C1GALT1: variants seen among roughly 807,000 people sequenced by gnomAD.
C1GALT1 encodes glycoprotein-N-acetylgalactosamine 3-beta-galactosyltransferase 1.
C1GALT1 carries 11 observed loss-of-function variants against 31.0 expected under a neutral mutation model. That is an observed-to-expected ratio of 0.36 (90% CI 0.22 to 0.59). C1GALT1 has a LOEUF of 0.59. Ranked by LOEUF, C1GALT1 falls within the 20% of genes least tolerant of loss-of-function variation. The pLI is 0.79. For synonymous variants in C1GALT1, 175 were observed against 143.6 expected, an observed-to-expected ratio of 1.22 and a Z score of -1.56; for missense variants, 424 against 425.2, an observed-to-expected ratio of 1.00 and a Z score of 0.03.
chr7:7,183,752 T>G (rs1780694793), intron 1 of C1GALT1, among the ~76,000 whole-genome samples: 1 of 151,666 alleles, frequency 6.6e-6, no homozygotes. Context: ...TTCTCAAGAT[T>G]TCTAACCTAG....
In C1GALT1 at chr7:7,246,667, T is replaced by TAGGGGCAGGGGC. The variant is rs926575009; in HGVS notation, c.*2953_*2964dup. The stretch of plus-strand genomic sequence containing the variant: ...ATCAGATCTACTAAATCAGATACTC[T>TAGGGGCAGGGGC]AGGGGCAGGGGCAGGGGCAGGGGCT... On this transcript the variant is annotated 3_prime_UTR_variant, in exon 4 of 4. Transcript: ENST00000436587. 3 of 152,618 alleles carry TAGGGGCAGGGGC rather than the reference T, an allele frequency of 2.0e-5. No individual in the cohort carries two copies. Among genetic ancestry groups the TAGGGGCAGGGGC allele is most frequent in the South Asian group, 2.1e-4 (1 of 4,826 alleles). 9.5% of individuals were successfully genotyped at this position (152,618 alleles called of 1,614,324 possible). A position where few individuals can be genotyped will look rare whatever the true frequency, so the allele number is the denominator to read the frequency against.
chr7:7,176,540 C>T (rs1476229941), intron 2 of C1GALT1, among the ~76,000 whole-genome samples: 1 of 152,186 alleles, frequency 6.6e-6, no homozygotes, highest in Admixed American at 6.5e-5. Context: ...GGGATTCTAG[C>T]CTCGTAAGCT....
In C1GALT1 at chr7:7,243,688, C is replaced by T. The variant is rs767924740; in HGVS notation, c.1053C>T (p.Asn351=). ...ERILKEISQA[N]KNEDTKVKLG... ...TACTAAAGGAAATTAGTCAAGCAAA[C>T]AAAAATGAAGATACAAAAGTGAAGT... The change falls in exon 4 of 4, where the codon AAC becomes AAT. Residue 351 remains asparagine (N), a synonymous_variant. Transcript: ENST00000436587. 2 of 1,602,278 alleles carry T rather than the reference C, an allele frequency of 1.2e-6. No individual in the cohort carries two copies. Among genetic ancestry groups the T allele is most frequent in the South Asian group, 2.3e-5 (2 of 88,720 alleles).
chr7:7,227,975 A>T (rs557343954), intron 1 of C1GALT1, among the ~76,000 whole-genome samples: 22 of 152,316 alleles, frequency 1.4e-4, no homozygotes, highest in African/African-American at 5.3e-4. Flanking sequence ...ATGGACTAAG[A>T]CATAATAGCA....
chr7:7,224,289 T>C (rs1156856455), intron 1 of C1GALT1, among the ~76,000 whole-genome samples: 1 of 151,738 alleles, frequency 6.6e-6, no homozygotes, highest in East Asian at 1.9e-4. Context: ...GTACTGTCTT[T>C]GTTGGATTTT....
At chr7:7,241,003 G>A (rs2128252402) in intron 3 of C1GALT1, among the ~76,000 whole-genome samples, 1 of 152,082 alleles carries the variant, frequency 6.6e-6, no homozygotes, top group East Asian at 1.9e-4. Flanking sequence ...CTCTTAAGCA[G>A]TTCCCTTCCC....
chr7:7,207,403 C>T (rs1243269375), intron 1 of C1GALT1, among the ~76,000 whole-genome samples: 18 of 125,216 alleles, frequency 1.4e-4, no homozygotes, highest in African/African-American at 4.8e-4. Context: ...ACTCAAACTC[C>T]TGGGCTCAAG....
At chr7:7,236,068 G>A (rs1290465929) in intron 2 of C1GALT1, among the ~76,000 whole-genome samples, 2 of 152,070 alleles carry the variant, frequency 1.3e-5, no homozygotes, top group Non-Finnish European at 2.9e-5. Context: ...CCTATCTACT[G>A]CTCTGTAGGA....
At chr7:7,232,876 T>C (rs933637453) in intron 1 of C1GALT1, among the ~76,000 whole-genome samples, 10 of 152,224 alleles carry the variant, frequency 6.6e-5, no homozygotes, top group Non-Finnish European at 1.5e-4. Context: ...ATTACCTGTT[T>C]AAAATTACCT....
rs1783519905 is a variant in C1GALT1 at position 7,239,382 on chromosome 7, T to C, written c.888+460T>C. ...AAGAGGTGACTTTTGAGCAGAACCC[T>C]GAGTGTTATTAGAGAGCAAGTTGGG... On this transcript the variant is annotated intron_variant, in intron 3 of 3. Coordinates refer to ENST00000436587, the MANE Select transcript of C1GALT1 (RefSeq NM_020156.5). Among the ~76,000 whole-genome samples the C allele has an allele frequency of 2.0e-5, 3 of 152,194 alleles. No homozygotes were observed. In the South Asian group the frequency reaches 6.2e-4, roughly 31 times the overall value.
intron 1 of C1GALT1, among the ~76,000 whole-genome samples, chr7:7,204,930 A>G (rs549892228): frequency 6.6e-6 from 1 of 152,248 alleles, no homozygotes; most frequent in Non-Finnish European, 1.5e-5. Context: ...ATCTATTAAC[A>G]CTTTATTTGT....
intron 1 of C1GALT1, among the ~76,000 whole-genome samples, chr7:7,220,553 C>G (rs765487853): frequency 2.6e-5 from 4 of 152,144 alleles, no homozygotes; most frequent in Non-Finnish European, 2.9e-5. Flanking sequence ...GAGTCTCACT[C>G]TGTCGCCAGG....
At chr7:7,239,890 T>C (rs968200227) in intron 3 of C1GALT1, among the ~76,000 whole-genome samples, 1 of 152,218 alleles carries the variant, frequency 6.6e-6, no homozygotes, top group African/African-American at 2.4e-5. Context: ...TCAATGTTAA[T>C]TACATGTCTG....
intron 1 of C1GALT1, among the ~76,000 whole-genome samples, chr7:7,216,448 T>C (rs10246194): frequency 0.019 from 2,833 of 152,214 alleles, 89 homozygotes; most frequent in African/African-American, 0.065. Flanking sequence ...CCTTGTGTGA[T>C]TTCTCTTTGA....
intron 1 of C1GALT1, among the ~76,000 whole-genome samples, chr7:7,231,161 G>C (rs937689313): frequency 1.3e-5 from 2 of 152,062 alleles, no homozygotes; most frequent in Admixed American, 6.5e-5. Context: ...TGTTCTTTTA[G>C]CACTTTAAAA....
At chr7:7,201,591 C>G (rs1481571921) in intron 1 of C1GALT1, among the ~76,000 whole-genome samples, 1 of 152,130 alleles carries the variant, frequency 6.6e-6, no homozygotes, top group African/African-American at 2.4e-5. Flanking sequence ...ATACTGGTGA[C>G]CAGGGAAGCG....
At chr7:7,225,777 T>TATC (rs1485479381) in intron 1 of C1GALT1, among the ~76,000 whole-genome samples, 1 of 152,210 alleles carries the variant, frequency 6.6e-6, no homozygotes, top group African/African-American at 2.4e-5. Context: ...GACTTTTCAA[T>TATC]ATCTTATTTG....
intron 1 of C1GALT1, chr7:7,183,443 G>A (rs2128228846): frequency 4.4e-6 from 1 of 225,308 alleles, no homozygotes. Context: ...GCCGCAGAGT[G>A]AAGCAGATAC....
intron 1 of C1GALT1, among the ~76,000 whole-genome samples, chr7:7,224,397 A>G (rs1782657314): frequency 6.6e-6 from 1 of 151,438 alleles, no homozygotes; most frequent in Non-Finnish European, 1.5e-5. Flanking sequence ...ACATTAAAAA[A>G]TAATTTTTAG....
Sources: gnomAD v4.1 joint callset for allele counts (sites outside exome capture counted in the v4.1 genomes callset) on GRCh38, gnomAD v4.1.1 for gene constraint, MANE v1.5 for transcripts, NCBI Gene and HGNC (gene_info 2026-07-23, HGNC 2026-07-21) for gene names.